The following KIAA1614 variants were observed in gnomAD, a reference collection of about 807,000 sequenced individuals.
KIAA1614 encodes KIAA1614.
KIAA1614 carries 76 observed loss-of-function variants against 88.7 expected under a neutral mutation model. The observed-to-expected ratio is 0.86, with a 90% CI of 0.71 to 1.04. The LOEUF (loss-of-function observed/expected upper bound fraction) is 1.04. Among genes scored for constraint, KIAA1614 ranks in the 50% least tolerant of loss-of-function variants. The pLI, the probability that KIAA1614 is intolerant of heterozygous loss-of-function variation, is 0.00. For missense variants in KIAA1614, 1,553 were observed against 1,582.5 expected, an observed-to-expected ratio of 0.98 and a Z score of 0.32; for synonymous variants, 714 against 675.5, an observed-to-expected ratio of 1.06 and a Z score of -0.88.
rs149349306 is a variant in KIAA1614 at position 180,938,819 on chromosome 1, A to G, written c.2918+108A>G. 1,885 of 985,470 alleles carry G rather than the reference A, an allele frequency of 1.9e-3. 6 individuals are homozygous for G. Among genetic ancestry groups the G allele is most frequent in the South Asian group, 3.0e-3 (185 of 61,204 alleles). The allele number at this position is 985,470 out of a possible 1,614,324, so 61.0% of individuals were successfully genotyped here. A position where few individuals can be genotyped will look rare whatever the true frequency, so the allele number is the denominator to read the frequency against. On this transcript the variant is annotated intron_variant, in intron 6 of 8. Coordinates refer to ENST00000367588, the MANE Select transcript of KIAA1614 (RefSeq NM_020950.2). ...TGGCATGACCCACCTCCCTGCCCCT[A>G]GTCTTCAGAGGATCCCTAGACTGTG...
rs1327466199 is a variant in KIAA1614, at chr1:180,936,442, C to A, written c.2533C>A (p.Pro845Thr). ...GACAGAGCCTGTGGGTATCCCTCGG[C>A]CTCCTTCAAGAAGCGCGGTTCTCAG... ...DQTEPVGIPR[P>T]PSRSAVLRTC... Residue 845 changes from proline to threonine, a missense_variant, in exon 5 of 9, where the codon CCT becomes ACT. Pro to Thr is a conservative substitution (Grantham distance 38). Coordinates refer to ENST00000367588, the MANE Select transcript of KIAA1614 (RefSeq NM_020950.2). 3 of 1,614,174 alleles carry A rather than the reference C, an allele frequency of 1.9e-6. No individual in the cohort carries two copies. The Admixed American group carries it at 5.0e-5, about 27-fold the overall frequency.
chr1:180,924,763 G>C (rs1038428810), intron 3 of KIAA1614, among the ~76,000 whole-genome samples: 2 of 152,160 alleles, frequency 1.3e-5, no homozygotes, highest in Admixed American at 6.5e-5. Flanking sequence ...TTTCAAACAT[G>C]CCTTCCCCTT....
intron 2 of KIAA1614, among the ~76,000 whole-genome samples, chr1:180,917,365 C>A (rs1461790421): frequency 6.6e-6 from 1 of 152,300 alleles, no homozygotes; most frequent in South Asian, 2.1e-4. Context: ...GGGTTAGAGG[C>A]CACTATGATG....
chr1:180,928,937 T>C (rs1165082327), intron 4 of KIAA1614, among the ~76,000 whole-genome samples: 2 of 152,182 alleles, frequency 1.3e-5, no homozygotes, highest in African/African-American at 4.8e-5. Flanking sequence ...AAAGGACAGG[T>C]GAGGCTCTTG....
In KIAA1614 at chr1:180,944,532, A is replaced by G. The variant is rs753201091; in HGVS notation, c.3287+16A>G. 1.2e-6 allele frequency: 2 copies of G among 1,611,428 alleles called. No homozygotes were observed. Among genetic ancestry groups the G allele is most frequent in the South Asian group, 1.1e-5 (1 of 90,932 alleles). On this transcript the variant is annotated intron_variant, in intron 8 of 8. Coordinates refer to ENST00000367588, the MANE Select transcript of KIAA1614 (RefSeq NM_020950.2). ...CAGCTGGCAGGTATGAGGGGCACAC[A>G]TGGTTTGGAGGATAAACTCAGAGAG...
At chr1:180,928,616 A>C in intron 4 of KIAA1614, 43 bp downstream of exon 4, 1 of 1,590,936 alleles carries the variant, frequency 6.3e-7, no homozygotes, top group East Asian at 2.3e-5. Context: ...GGGCCATAGC[A>C]GGGAAGAGTC....
rs761624121 is a variant in KIAA1614, at chr1:180,941,103, A to G, written c.2977A>G (p.Asn993Asp). The change falls in exon 7 of 9, where the codon AAC (asparagine) becomes GAC (aspartate). Residue 993 changes from asparagine to aspartate, a missense_variant. Physicochemically the swap from Asn to Asp is conservative, Grantham distance 23. Coordinates refer to ENST00000367588, the MANE Select transcript of KIAA1614 (RefSeq NM_020950.2). ...GSPSAAPLDQ[N>D]KKRSSSIAST... Reference sequence around the variant, plus strand: ...CCCCTCGGCTGCCCCTTTGGACCAGAACAAGAAAAGGAGCAGCAGCATAGC... The same window carrying G: ...CCCCTCGGCTGCCCCTTTGGACCAGGACAAGAAAAGGAGCAGCAGCATAGC... The G allele has an allele frequency of 1.1e-5, 17 of 1,608,366 alleles. No individual in the cohort carries two copies. Among genetic ancestry groups the G allele is most frequent in the Middle Eastern group, 1.7e-4 (1 of 5,976 alleles).
At position 180,950,432 on chromosome 1, in the gene KIAA1614, GC is replaced by G; in HGVS notation, c.*4846del. 1 of 1,203,730 alleles carries G rather than the reference GC, an allele frequency of 8.3e-7. No individual in the cohort carries two copies. The highest frequency in any genetic ancestry group is 1.1e-6 in the Non-Finnish European group (1 of 945,452). 74.6% of individuals were successfully genotyped at this position (1,203,730 alleles called of 1,614,324 possible). A position where few individuals can be genotyped will look rare whatever the true frequency, so the allele number is the denominator to read the frequency against. On this transcript the variant is annotated 3_prime_UTR_variant, in exon 9 of 9. Coordinates refer to ENST00000367588, the MANE Select transcript of KIAA1614 (RefSeq NM_020950.2). ...CGATGAGATCCTCGAGGTGAACGGG[GC>G]CAAGGTGGCAGGGCTGGGCTTGGCT...
intron 3 of KIAA1614, among the ~76,000 whole-genome samples, chr1:180,926,474 GAA>G (rs60582450): frequency 0.47 from 59,837 of 126,178 alleles, 14,573 homozygotes; most frequent in Middle Eastern, 0.61. Context: ...CAGCTGATGA[GAA>G]AAAAAAAAAA....
intron 4 of KIAA1614, among the ~76,000 whole-genome samples, chr1:180,931,312 T>A (rs72709608): frequency 0.035 from 5,374 of 152,270 alleles, 129 homozygotes; most frequent in Non-Finnish European, 0.052. Flanking sequence ...AGTGGCTGTG[T>A]TGAGACTGCA....
chr1:180,916,609 T>C lies in KIAA1614; in HGVS notation c.506T>C (p.Leu169Pro). The C allele has an allele frequency of 6.2e-7, 1 of 1,602,826 alleles. No homozygotes were observed. Among genetic ancestry groups the C allele is most frequent in the Non-Finnish European group, 8.5e-7 (1 of 1,173,634 alleles). The change falls in exon 2 of 9, where the codon CTT becomes CCT. Residue 169 changes from leucine (L) to proline (P), a missense_variant. Coordinates refer to ENST00000367588, the MANE Select transcript of KIAA1614 (RefSeq NM_020950.2). ...CCCGCCAGGGATGGAGGCCCCAGGC[T>C]TCCCAGGCCGCCTGCCCCTGGACGT... is the stretch of plus-strand genomic sequence containing the variant. ...EQPARDGGPR[L>P]PRPPAPGREY...
chr1:180,937,962 G>A (rs1403199400), intron 5 of KIAA1614, among the ~76,000 whole-genome samples: 2 of 152,160 alleles, frequency 1.3e-5, no homozygotes, highest in African/African-American at 4.8e-5. Context: ...TGAGGCCCTC[G>A]GCGAGTCCCT....
chr1:180,924,483 G>C (rs373125438), intron 3 of KIAA1614, among the ~76,000 whole-genome samples: 2 of 152,336 alleles, frequency 1.3e-5, no homozygotes, highest in East Asian at 1.9e-4. Flanking sequence ...CATCTTAGGC[G>C]TGCACTGCAG....
intron 3 of KIAA1614, among the ~76,000 whole-genome samples, chr1:180,918,532 A>G (rs527892257): frequency 6.6e-6 from 1 of 152,304 alleles, no homozygotes; most frequent in African/African-American, 2.4e-5. Flanking sequence ...AGTACACTCA[A>G]GGTGGGAGTG....
Position 180,916,771 on chromosome 1 carries a change from G to A in KIAA1614, c.668G>A (p.Gly223Asp). The change falls in exon 2 of 9, where the codon GGT (glycine) becomes GAT (aspartate). Residue 223 changes from glycine (G) to aspartate (D), a missense_variant. Gly to Asp is a moderately conservative substitution (Grantham distance 94). Coordinates refer to ENST00000367588, the MANE Select transcript of KIAA1614 (RefSeq NM_020950.2). ...GGAGTTACTCCCGGACGGCCTGGGG[G>A]TCCTGGTCATTGTAACAAAATCATC... ...IHGVTPGRPG[G>D]PGHCNKIIHI... The A allele has an allele frequency of 1.9e-6, 3 of 1,614,236 alleles. No homozygotes were observed. The highest frequency in any genetic ancestry group is 2.5e-6 in the Non-Finnish European group (3 of 1,180,040).
Position 180,936,176 on chromosome 1 carries a change from A to C in KIAA1614, c.2267A>C (p.Glu756Ala), listed in dbSNP as rs572546762. 1 of 1,614,120 alleles carries C rather than the reference A, an allele frequency of 6.2e-7. No individual in the cohort carries two copies. The highest frequency in any genetic ancestry group is 1.3e-5 in the African/African-American group (1 of 75,014). The change falls in exon 5 of 9, where the codon GAA becomes GCA. Residue 756 changes from glutamate to alanine, a missense_variant. Physicochemically the swap from Glu to Ala is moderately radical, Grantham distance 107. Coordinates refer to ENST00000367588, the MANE Select transcript of KIAA1614 (RefSeq NM_020950.2). Reference protein sequence around the residue: ...AYATTAPMTPESSGPGGQAQV... With the variant: ...AYATTAPMTPASSGPGGQAQV... ...GCCACCACCGCCCCCATGACGCCTG[A>C]ATCATCGGGGCCAGGAGGCCAGGCC... is the stretch of plus-strand genomic sequence containing the variant.
intron 6 of KIAA1614, among the ~76,000 whole-genome samples, chr1:180,939,521 C>T (rs1415933280): frequency 6.6e-6 from 1 of 152,206 alleles, no homozygotes; most frequent in African/African-American, 2.4e-5. Context: ...TAACCCTCTG[C>T]AAGTCCTTGC....
rs1653700997 is a variant in KIAA1614 at position 180,913,283 on chromosome 1, G to C, written c.40G>C (p.Gly14Arg). 2.4e-6 allele frequency: 3 copies of C among 1,259,100 alleles called. No individual in the cohort carries two copies. Among genetic ancestry groups the C allele is most frequent in the Non-Finnish European group, 3.0e-6 (3 of 996,432 alleles). 78.0% of individuals were successfully genotyped at this position (1,259,100 alleles called of 1,614,324 possible). The stretch of plus-strand genomic sequence containing the variant: ...GGCGGCGGCGGCCAAACCCGCGGGC[G>C]GCAGCCCCCAGTGAGTATAGAGGAG... ...TEAAAAKPAG[G>R]SPQGPKTGSG... Residue 14 changes from glycine to arginine, a missense_variant, in exon 1 of 9, where the codon GGC (glycine) becomes CGC (arginine). Coordinates refer to ENST00000367588, the MANE Select transcript of KIAA1614 (RefSeq NM_020950.2).
At position 180,929,007 on chromosome 1, in the gene KIAA1614, T is replaced by G. The variant is rs114183899; in HGVS notation, c.1205+434T>G. ...AGTATAGATATGCACTGGCAAGCAG[T>G]GCAAGATAGGCACTGGCAAGCAGGC... On this transcript the variant is annotated intron_variant, in intron 4 of 8. Transcript: ENST00000367588. Among the ~76,000 whole-genome samples the G allele has an allele frequency of 3.9e-3, 591 of 152,300 alleles. 6 individuals carry two copies. The highest frequency in any genetic ancestry group is 0.014 in the African/African-American group (566 of 41,568).
Sources: gnomAD v4.1 joint callset for allele counts (sites outside exome capture counted in the v4.1 genomes callset) on GRCh38, gnomAD v4.1.1 for gene constraint, MANE v1.5 for transcripts, NCBI Gene and HGNC (gene_info 2026-07-23, HGNC 2026-07-21) for gene names.